Variants in KCNIP4 observed in about 807,000 individuals in gnomAD.
The protein encoded by KCNIP4 is Kv channel-interacting protein 4.
Under a neutral mutation model 34.0 loss-of-function variants are expected in KCNIP4, and 12 were observed. The observed-to-expected ratio is 0.35, with a 90% CI of 0.23 to 0.57. KCNIP4 has a LOEUF of 0.57. Among genes scored for constraint, KCNIP4 ranks in the 20% least tolerant of loss-of-function variants. The pLI, the probability that KCNIP4 is intolerant of heterozygous loss-of-function variation, is 0.83. For synonymous variants in KCNIP4, 124 were observed against 102.2 expected, an observed-to-expected ratio of 1.21 and a Z score of -1.29; for missense variants, 238 against 311.7, an observed-to-expected ratio of 0.76 and a Z score of 1.78.
At chr4:21,284,167 T>C (rs1014981637) in intron 1 of KCNIP4, among the ~76,000 whole-genome samples, 4 of 150,982 alleles carry the variant, frequency 2.6e-5, no homozygotes, top group African/African-American at 9.7e-5. Flanking sequence ...GAGCCGAGAT[T>C]GCACCACTGC....
At chr4:21,633,577 T>C (rs535784403) in intron 1 of KCNIP4, among the ~76,000 whole-genome samples, 1 of 152,260 alleles carries the variant, frequency 6.6e-6, no homozygotes, top group African/African-American at 2.4e-5. Context: ...GTGTGGAAAG[T>C]TAACAACAAG....
chr4:21,675,297 G>C (rs1352047116), intron 1 of KCNIP4, among the ~76,000 whole-genome samples: 2 of 152,128 alleles, frequency 1.3e-5, no homozygotes, highest in Admixed American at 6.5e-5. Context: ...CCAGAGGCTG[G>C]AAGGGAGAAG....
intron 3 of KCNIP4, among the ~76,000 whole-genome samples, chr4:20,830,376 G>A (rs1453964979): frequency 2.0e-5 from 3 of 152,168 alleles, no homozygotes; most frequent in South Asian, 2.1e-4. Context: ...CTACCTAGCT[G>A]TCTGGGAAAA....
Position 21,066,685 on chromosome 4 carries a change from G to T in KCNIP4, c.62-183976C>A, listed in dbSNP as rs192405100. On this transcript the variant is annotated intron_variant, in intron 1 of 8. Transcript: ENST00000382152. ...TGGAAGTCAGCCTTCATCCACAGAG[G>T]GAGCATTTAGACCAACCCTAGCCAG... Among the ~76,000 whole-genome samples, 105 of 152,264 alleles carry T rather than the reference G, an allele frequency of 6.9e-4. 1 individual carries two copies. Among genetic ancestry groups the T allele is most frequent in the Non-Finnish European group, 1.2e-3 (82 of 68,030 alleles).
intron 1 of KCNIP4, among the ~76,000 whole-genome samples, chr4:21,630,746 C>G (rs919905622): frequency 1.3e-5 from 2 of 152,068 alleles, no homozygotes; most frequent in Non-Finnish European, 1.5e-5. Context: ...TCAATGATGC[C>G]CTCTTCATCC....
At chr4:21,756,956 G>T (rs1263770590) in intron 1 of KCNIP4, among the ~76,000 whole-genome samples, 2 of 151,612 alleles carry the variant, frequency 1.3e-5, no homozygotes, top group East Asian at 3.9e-4. Flanking sequence ...AATTAGCCAG[G>T]TGTGGTAGCA....
chr4:21,064,587 C>T (rs541074269), intron 1 of KCNIP4, among the ~76,000 whole-genome samples: 1 of 152,108 alleles, frequency 6.6e-6, no homozygotes, highest in African/African-American at 2.4e-5. Context: ...GGAGTATACA[C>T]CTCTGAAGGT....
intron 1 of KCNIP4, among the ~76,000 whole-genome samples, chr4:20,904,647 C>A (rs945363309): frequency 6.6e-6 from 1 of 152,190 alleles, no homozygotes; most frequent in African/African-American, 2.4e-5. Context: ...GAGTCCTTAA[C>A]AAAATGCTAA....
intron 1 of KCNIP4, among the ~76,000 whole-genome samples, chr4:21,914,512 G>A (rs181928864): frequency 6.6e-6 from 1 of 152,202 alleles, no homozygotes; most frequent in African/African-American, 2.4e-5. Flanking sequence ...CATGGTCTCT[G>A]CACCATGTGT....
In KCNIP4 at chr4:21,648,474, G is replaced by T. The variant is rs540305984; in HGVS notation, c.61+300097C>A. Among the ~76,000 whole-genome samples, 4 of 152,218 alleles carry T rather than the reference G, an allele frequency of 2.6e-5. No individual in the cohort carries two copies. In the South Asian group the frequency reaches 8.3e-4, roughly 32 times the overall value. ...ACTGTTTAGTAATTCCTGGACTCTG[G>T]TAAATTATGGGGAGATGCAGTTTAC... On this transcript the variant is annotated intron_variant, in intron 1 of 8. Coordinates refer to ENST00000382152, the MANE Select transcript of KCNIP4 (RefSeq NM_025221.6).
chr4:21,432,067 G>A (rs1444872791), intron 1 of KCNIP4, among the ~76,000 whole-genome samples: 2 of 113,872 alleles, frequency 1.8e-5, no homozygotes, highest in Non-Finnish European at 3.4e-5. Context: ...TATTCATAGT[G>A]TATTCAATGT....
chr4:21,400,298 A>C (rs1490897401), intron 1 of KCNIP4, among the ~76,000 whole-genome samples: 3 of 152,238 alleles, frequency 2.0e-5, no homozygotes, highest in Non-Finnish European at 4.4e-5. Flanking sequence ...AAAGACAACA[A>C]GATAACTGTA....
intron 1 of KCNIP4, among the ~76,000 whole-genome samples, chr4:21,239,306 T>C (rs569326760): frequency 1.0e-4 from 15 of 147,992 alleles, no homozygotes; most frequent in East Asian, 9.8e-4. Flanking sequence ...ATTCAGGACA[T>C]AGGCATGGGC....
chr4:21,648,922 T>A (rs1365804116), intron 1 of KCNIP4, among the ~76,000 whole-genome samples: 2 of 152,310 alleles, frequency 1.3e-5, no homozygotes, highest in Admixed American at 6.5e-5. Flanking sequence ...CTCCTGTCCC[T>A]CCTGTTTGAA....
chr4:21,037,516 T>A (rs980943048), intron 1 of KCNIP4, among the ~76,000 whole-genome samples: 1 of 152,354 alleles, frequency 6.6e-6, no homozygotes, highest in Admixed American at 6.5e-5. Context: ...CTATATCATA[T>A]AGCCTAAGTG....
chr4:21,192,932 T>TG (rs1174723892), intron 1 of KCNIP4, among the ~76,000 whole-genome samples: 1 of 129,860 alleles, frequency 7.7e-6, no homozygotes, highest in Non-Finnish European at 1.5e-5. Context: ...CTACTACTAC[T>TG]ACTACTACTA....
At chr4:21,581,556 C>T (rs1741199704) in intron 1 of KCNIP4, among the ~76,000 whole-genome samples, 2 of 152,018 alleles carry the variant, frequency 1.3e-5, no homozygotes. Flanking sequence ...AAAGCCTCTG[C>T]TCCTTCATCT....
chr4:21,341,609 C>T lies in KCNIP4; in HGVS notation c.62-458900G>A, dbSNP rs1455312630. Among the ~76,000 whole-genome samples the T allele has an allele frequency of 2.0e-5, 3 of 152,022 alleles. No homozygotes were observed. The East Asian group carries it at 5.8e-4, about 29-fold the overall frequency. On this transcript the variant is annotated intron_variant, in intron 1 of 8. Coordinates refer to ENST00000382152, the MANE Select transcript of KCNIP4 (RefSeq NM_025221.6). ...TGCAAATTATTGGCACCCAAGGGAC[C>T]CAAGGGAGTAAGAAGAGTATGACAT...
At chr4:20,811,345 A>G (rs1007895140) in intron 3 of KCNIP4, among the ~76,000 whole-genome samples, 1 of 152,210 alleles carries the variant, frequency 6.6e-6, no homozygotes, top group Non-Finnish European at 1.5e-5. Context: ...ATCACCTTAG[A>G]TGCATGTTGA....
Sources: gnomAD v4.1 joint callset for allele counts (sites outside exome capture counted in the v4.1 genomes callset) on GRCh38, gnomAD v4.1.1 for gene constraint, MANE v1.5 for transcripts, NCBI Gene and HGNC (gene_info 2026-07-23, HGNC 2026-07-21) for gene names.